Variants in KCNIP4 observed in about 807,000 individuals in gnomAD.
The protein encoded by KCNIP4 is Kv channel-interacting protein 4.
In KCNIP4, 12 loss-of-function variants were observed where a neutral mutation model predicts 34.0. The ratio of observed to expected loss-of-function variants is 0.35; its 90% CI spans 0.23 to 0.57. The LOEUF (loss-of-function observed/expected upper bound fraction) is 0.57. KCNIP4 is among the 20% of genes least tolerant of loss of function. The probability of loss-of-function intolerance (pLI) is 0.83; values close to 1 mark genes in which losing one functional copy is unlikely to be tolerated. For missense variants in KCNIP4, 238 were observed against 311.7 expected (o/e 0.76, Z 1.78); for synonymous variants, 124 against 102.2 (o/e 1.21, Z -1.29).
intron 1 of KCNIP4, among the ~76,000 whole-genome samples, chr4:21,292,989 C>T (rs1466728120): frequency 6.6e-6 from 1 of 152,140 alleles, no homozygotes; most frequent in Non-Finnish European, 1.5e-5. Context: ...ATGAAAGATT[C>T]TATCTGTCCT....
At chr4:21,643,044 G>A (rs558500734) in intron 1 of KCNIP4, among the ~76,000 whole-genome samples, 1 of 152,168 alleles carries the variant, frequency 6.6e-6, no homozygotes, top group Admixed American at 6.5e-5. Context: ...ATGGCAAAGA[G>A]AATATGTAAA....
At chr4:21,748,602 C>A (rs1191351042) in intron 1 of KCNIP4, among the ~76,000 whole-genome samples, 2 of 151,924 alleles carry the variant, frequency 1.3e-5, no homozygotes, top group African/African-American at 2.4e-5. Flanking sequence ...TCATGAAGAC[C>A]GAATTTATAC....
chr4:21,015,601 T>C (rs1176828077), intron 1 of KCNIP4, among the ~76,000 whole-genome samples: 1 of 127,816 alleles, frequency 7.8e-6, no homozygotes, highest in Non-Finnish European at 1.5e-5. Flanking sequence ...TAGTATATTG[T>C]ATTAATATAA....
chr4:21,939,348 T>G (rs1730065058), intron 1 of KCNIP4, among the ~76,000 whole-genome samples: 1 of 152,158 alleles, frequency 6.6e-6, no homozygotes, highest in Non-Finnish European at 1.5e-5. Flanking sequence ...TGTTAGTATT[T>G]ATTACCTTCC....
intron 1 of KCNIP4, among the ~76,000 whole-genome samples, chr4:21,733,337 T>C (rs28660267): frequency 6.6e-6 from 1 of 152,194 alleles, no homozygotes; most frequent in African/African-American, 2.4e-5. Flanking sequence ...GATATACTAC[T>C]GGGAGATTTC....
At chr4:21,474,767 TG>T (rs36117253) in intron 1 of KCNIP4, among the ~76,000 whole-genome samples, 18,924 of 151,866 alleles carry the variant, frequency 0.12, 1,342 homozygotes, top group South Asian at 0.21. Context: ...GATGCCGAGG[TG>T]GGCTGATCAC....
rs112415762 is a variant in KCNIP4 at position 20,800,204 on chromosome 4, T to A, written c.289-41314A>T. Among the ~76,000 whole-genome samples the A allele has an allele frequency of 1.2e-3, 188 of 152,320 alleles. 4 individuals are homozygous for A. The highest frequency in any genetic ancestry group is 4.6e-4 in the Admixed American group (7 of 15,302). ...ACTGATCACAATTGAAGAAGCTGCA[T>A]ACAGACTGTATCACTGGGCCCACAC... On this transcript the variant is annotated intron_variant, in intron 3 of 8. Transcript: ENST00000382152.
At chr4:20,948,958 C>T (rs561959939) in intron 1 of KCNIP4, among the ~76,000 whole-genome samples, 3 of 152,238 alleles carry the variant, frequency 2.0e-5, no homozygotes, top group South Asian at 2.1e-4. Flanking sequence ...CCTTTCACTG[C>T]ACCATTTAAT....
At chr4:21,517,786 T>C (rs1013641635) in intron 1 of KCNIP4, among the ~76,000 whole-genome samples, 50 of 152,160 alleles carry the variant, frequency 3.3e-4, no homozygotes, top group African/African-American at 1.1e-3. Context: ...AAAGAAACAA[T>C]CATGGGAGTA....
At chr4:21,021,785 T>A (rs915766662) in intron 1 of KCNIP4, among the ~76,000 whole-genome samples, 3 of 152,060 alleles carry the variant, frequency 2.0e-5, no homozygotes, top group Non-Finnish European at 4.4e-5. Flanking sequence ...CCTGAGGCTA[T>A]TTTACAGTTA....
chr4:20,878,480 A>G (rs564969788), intron 2 of KCNIP4, among the ~76,000 whole-genome samples: 2 of 152,124 alleles, frequency 1.3e-5, no homozygotes, highest in South Asian at 4.2e-4. Flanking sequence ...TTCCCTTTCC[A>G]TCATATTACC....
intron 1 of KCNIP4, among the ~76,000 whole-genome samples, chr4:21,936,194 C>T (rs1006017624): frequency 3.9e-5 from 6 of 151,996 alleles, no homozygotes; most frequent in African/African-American, 1.4e-4. Flanking sequence ...TGAATTGTAG[C>T]TCCCATAATT....
At chr4:21,500,159 A>C (rs1733195196) in intron 1 of KCNIP4, among the ~76,000 whole-genome samples, 1 of 152,194 alleles carries the variant, frequency 6.6e-6, no homozygotes, top group Admixed American at 6.5e-5. Flanking sequence ...AAAATCAACT[A>C]AAGTTATTTA....
intron 1 of KCNIP4, among the ~76,000 whole-genome samples, chr4:21,429,927 T>C (rs536686119): frequency 3.3e-5 from 5 of 152,288 alleles, no homozygotes; most frequent in Non-Finnish European, 7.4e-5. Context: ...TCTGTTCATT[T>C]AATCCAGTAT....
chr4:21,655,886 G>A (rs757892751), intron 1 of KCNIP4, among the ~76,000 whole-genome samples: 1 of 152,102 alleles, frequency 6.6e-6, no homozygotes, highest in African/African-American at 2.4e-5. Flanking sequence ...AAAATATCTT[G>A]GGCATCTCTC....
intron 1 of KCNIP4, among the ~76,000 whole-genome samples, chr4:21,705,467 A>C (rs1713189811): frequency 1.3e-5 from 2 of 152,214 alleles, no homozygotes; most frequent in Admixed American, 1.3e-4. Context: ...GTAATAAATA[A>C]AATTTTAAAA....
intron 1 of KCNIP4, among the ~76,000 whole-genome samples, chr4:21,407,223 G>T (rs997325340): frequency 7.3e-5 from 11 of 151,382 alleles, no homozygotes; most frequent in Non-Finnish European, 1.6e-4. Flanking sequence ...CCTCTGCCTA[G>T]AGAACTTTCC....
intron 1 of KCNIP4, among the ~76,000 whole-genome samples, chr4:21,201,178 G>T (rs562943818): frequency 6.6e-6 from 1 of 152,216 alleles, no homozygotes; most frequent in East Asian, 1.9e-4. Context: ...GTATCAATGA[G>T]CTTCATGAAG....
chr4:21,418,171 C>CCTCTCTCT (rs144729656), intron 1 of KCNIP4, among the ~76,000 whole-genome samples: 1 of 149,832 alleles, frequency 6.7e-6, no homozygotes, highest in East Asian at 1.9e-4. Context: ...ACACTCTCTC[C>CCTCTCTCT]CTCTCTCTCT....
Sources: allele counts gnomAD v4.1 joint callset (sites outside exome capture counted in the v4.1 genomes callset), GRCh38; gene constraint gnomAD v4.1.1; transcripts MANE v1.5; gene names NCBI Gene and HGNC (gene_info 2026-07-23, HGNC 2026-07-21).